Variants in CDS2 observed in about 807,000 individuals in gnomAD.
CDS2 encodes phosphatidate cytidylyltransferase 2.
In CDS2, 47 loss-of-function variants were observed where a neutral mutation model predicts 59.0. That is an observed-to-expected ratio of 0.80 (90% CI 0.63 to 1.02). The LOEUF is 1.02. Among genes scored for constraint, CDS2 ranks in the 50% least tolerant of loss-of-function variants. The pLI is 0.00. For missense variants in CDS2, 356 were observed against 558.9 expected (o/e 0.64, Z 3.66); for synonymous variants, 207 against 206.4 (o/e 1.00, Z -0.02).
At chr20:5,140,251 A>G (rs1471399409) in intron 1 of CDS2, among the ~76,000 whole-genome samples, 2 of 152,218 alleles carry the variant, frequency 1.3e-5, no homozygotes, top group Non-Finnish European at 2.9e-5. Flanking sequence ...TTGCTATTGT[A>G]AGTAATGCTG....
intron 3 of CDS2, chr20:5,176,433 T>C (rs1204496154): frequency 5.5e-6 from 3 of 542,194 alleles, no homozygotes; most frequent in East Asian, 5.9e-5. Context: ...GTGTATTTTA[T>C]TGTGAGTGGA....
chr20:5,160,376 G>A (rs1641803064), intron 1 of CDS2, among the ~76,000 whole-genome samples: 1 of 152,138 alleles, frequency 6.6e-6, no homozygotes, highest in Admixed American at 6.5e-5. Context: ...AGGTGGTGTT[G>A]GGGGTTCTAG....
In CDS2 at chr20:5,175,164, C is replaced by A; in HGVS notation, c.195-19C>A. On this transcript the variant is annotated intron_variant, in intron 2 of 12. Coordinates refer to ENST00000460006, the MANE Select transcript of CDS2 (RefSeq NM_003818.4). ...GGCTCCTAACTGGTGTTTTCTCCTT[C>A]CCCTGCTCTCTGACCTAGATGGAAG... is the stretch of plus-strand genomic sequence containing the variant. 1 of 1,594,928 alleles carries A rather than the reference C, an allele frequency of 6.3e-7. No individual in the cohort carries two copies. The highest frequency in any genetic ancestry group is 8.6e-7 in the Non-Finnish European group (1 of 1,162,558).
chr20:5,159,592 A>G (rs1297435446), intron 1 of CDS2, among the ~76,000 whole-genome samples: 2 of 152,326 alleles, frequency 1.3e-5, no homozygotes, highest in East Asian at 1.9e-4. Context: ...TTAACAGACT[A>G]TTAGCAAGAT....
intron 5 of CDS2, among the ~76,000 whole-genome samples, chr20:5,179,681 A>C (rs2091019562): frequency 6.6e-6 from 1 of 152,220 alleles, no homozygotes; most frequent in Non-Finnish European, 1.5e-5. Context: ...TAGACTCTGC[A>C]ACCTCAGGGG....
In CDS2 at chr20:5,197,006, C is replaced by CTT. The variant is rs955165926; in HGVS notation, c.*6773_*6774insTT. On this transcript the variant is annotated 3_prime_UTR_variant, in exon 13 of 13. Coordinates refer to ENST00000460006, the MANE Select transcript of CDS2 (RefSeq NM_003818.4). ...GGAGTCTCACAGTGGAGGGCAGACT[C>CTT]TAACAGATGCCAGCTGAACGCTCGC... The CTT allele has an allele frequency of 5.3e-5, 8 of 152,350 alleles. No individual in the cohort carries two copies. The highest frequency in any genetic ancestry group is 1.7e-4 in the African/African-American group (7 of 41,440). The allele number at this position is 152,350 out of a possible 1,614,324, so 9.4% of individuals were successfully genotyped here. A position where few individuals can be genotyped will look rare whatever the true frequency, so the allele number is the denominator to read the frequency against.
At chr20:5,142,994 C>T (rs1321141986) in intron 1 of CDS2, among the ~76,000 whole-genome samples, 1 of 152,048 alleles carries the variant, frequency 6.6e-6, no homozygotes, top group Non-Finnish European at 1.5e-5. Flanking sequence ...AGGCAAACAC[C>T]ACCATGTCTG....
intron 1 of CDS2, among the ~76,000 whole-genome samples, chr20:5,160,268 A>G (rs2090867076): frequency 6.6e-6 from 1 of 152,168 alleles, no homozygotes; most frequent in African/African-American, 2.4e-5. Context: ...TTAACACTTC[A>G]TATGCTTGCT....
intron 5 of CDS2, among the ~76,000 whole-genome samples, chr20:5,181,881 T>C (rs1309687127): frequency 6.6e-6 from 1 of 152,242 alleles, no homozygotes; most frequent in Non-Finnish European, 1.5e-5. Flanking sequence ...GTAAATCTTA[T>C]GGTATTATAA....
Position 5,193,333 on chromosome 20 carries a change from A to G in CDS2, c.*3099A>G, listed in dbSNP as rs1368618564. ...ATTACTCTTAGTATTGTACAGCCCT[A>G]TAATGTATGAGAACTAGTTTCACAT... On this transcript the variant is annotated 3_prime_UTR_variant, in exon 13 of 13. Transcript: ENST00000460006. 9.2e-5 allele frequency: 14 copies of G among 152,242 alleles called. No individual in the cohort carries two copies. Among genetic ancestry groups the G allele is most frequent in the Admixed American group, 7.8e-4 (12 of 15,290 alleles). The allele number at this position is 152,242 out of a possible 1,614,324, so 9.4% of individuals were successfully genotyped here.
intron 1 of CDS2, among the ~76,000 whole-genome samples, chr20:5,143,996 C>A (rs2090718616): frequency 6.6e-6 from 1 of 152,166 alleles, no homozygotes; most frequent in South Asian, 2.1e-4. Context: ...AACTGCTGGC[C>A]TCAAGTGATC....
chr20:5,152,759 A>G (rs2090802991), intron 1 of CDS2, among the ~76,000 whole-genome samples: 1 of 152,210 alleles, frequency 6.6e-6, no homozygotes, highest in Non-Finnish European at 1.5e-5. Context: ...ACACGCACAC[A>G]CACATGAATT....
At position 5,193,112 on chromosome 20, in the gene CDS2, C is replaced by T. The variant is rs1190405723; in HGVS notation, c.*2878C>T. Reference sequence around the variant, plus strand: ...AGGGCTGATGGGCACCCCCCAGCCCCTGGGAGCTCTGCTCATGACCGCTCA... The same window carrying T: ...AGGGCTGATGGGCACCCCCCAGCCCTTGGGAGCTCTGCTCATGACCGCTCA... On this transcript the variant is annotated 3_prime_UTR_variant, in exon 13 of 13. Transcript: ENST00000460006. The T allele has an allele frequency of 6.6e-6, 1 of 152,242 alleles. No individual in the cohort carries two copies. The highest frequency in any genetic ancestry group is 1.9e-4 in the East Asian group (1 of 5,192). The allele number at this position is 152,242 out of a possible 1,614,324, so 9.4% of individuals were successfully genotyped here.
chr20:5,167,914 A>G (rs2090924637), intron 1 of CDS2, among the ~76,000 whole-genome samples: 1 of 152,232 alleles, frequency 6.6e-6, no homozygotes, highest in African/African-American at 2.4e-5. Flanking sequence ...GGAAAGGCAG[A>G]GTTGTTGGAG....
chr20:5,185,191 C>T (rs1432035706), intron 8 of CDS2, among the ~76,000 whole-genome samples: 1 of 151,688 alleles, frequency 6.6e-6, no homozygotes, highest in African/African-American at 2.4e-5. Flanking sequence ...GATGCTGAGG[C>T]AGGAGGATTG....
chr20:5,148,583 C>T (rs935932655), intron 1 of CDS2, among the ~76,000 whole-genome samples: 2 of 152,174 alleles, frequency 1.3e-5, no homozygotes, highest in African/African-American at 4.8e-5. Flanking sequence ...AGTCTTTAGT[C>T]CCTTCAACTG....
At chr20:5,144,086 A>C (rs1234004169) in intron 1 of CDS2, among the ~76,000 whole-genome samples, 1 of 152,040 alleles carries the variant, frequency 6.6e-6, no homozygotes, top group Non-Finnish European at 1.5e-5. Flanking sequence ...TCTTTTGGGT[A>C]TATACCCAGA....
chr20:5,174,468 G>C (rs1333589052), intron 2 of CDS2, among the ~76,000 whole-genome samples: 1 of 152,208 alleles, frequency 6.6e-6, no homozygotes, highest in Non-Finnish European at 1.5e-5. Flanking sequence ...CGGGTATGGT[G>C]GCTCACGCCT....
Position 5,186,689 on chromosome 20 carries a change from G to C in CDS2, c.831G>C (p.Leu277=). ...GTCTCTCTGTTATTCCTCCTCAGCT[G>C]TCCTATGTGATGTCCGGGTACAGAT... ...FFATVVFGLL[L]SYVMSGYRCF... The change falls in exon 10 of 13, where the codon CTG becomes CTC. Residue 277 remains leucine, a splice_region_variant and synonymous_variant. Transcript: ENST00000460006. 6.2e-7 allele frequency: 1 copy of C among 1,614,066 alleles called. No individual in the cohort carries two copies. The highest frequency in any genetic ancestry group is 8.5e-7 in the Non-Finnish European group (1 of 1,179,998).
Sources: allele counts gnomAD v4.1 joint callset (sites outside exome capture counted in the v4.1 genomes callset), GRCh38; gene constraint gnomAD v4.1.1; transcripts MANE v1.5; gene names NCBI Gene and HGNC (gene_info 2026-07-23, HGNC 2026-07-21).